Variants in PVT1 observed in about 807,000 individuals in gnomAD.
PVT1 encodes Pvt1 oncogene.
At chr8:127,826,570 A>T (rs1354277649) in intron 2 of PVT1, among the ~76,000 whole-genome samples, 1 of 152,172 alleles carries the variant, frequency 6.6e-6, no homozygotes, top group African/African-American at 2.4e-5. Context: ...TTGGAATTTC[A>T]TAACTGTTTC....
At chr8:127,930,153 G>A (rs1043468742) in intron 3 of PVT1, among the ~76,000 whole-genome samples, 1 of 151,950 alleles carries the variant, frequency 6.6e-6, no homozygotes, top group African/African-American at 2.4e-5. Flanking sequence ...GGGGCGGTGC[G>A]GAATTATTAT....
At chr8:127,825,078 C>T (rs1475526744) in intron 2 of PVT1, among the ~76,000 whole-genome samples, 2 of 137,308 alleles carry the variant, frequency 1.5e-5, no homozygotes, top group South Asian at 2.2e-4. Flanking sequence ...CGAGATCATG[C>T]ACTGCACTTC....
In PVT1 at chr8:128,041,100, G is replaced by A. The variant is rs181838709; in HGVS notation, n.913-29060G>A. 2.0e-5 allele frequency among the ~76,000 whole-genome samples: 3 copies of A among 151,764 alleles called. No homozygotes were observed. The East Asian group carries it at 5.8e-4, about 29-fold the overall frequency. Reference sequence around the variant, plus strand: ...TTTGTGCATATGTTTGTGTGTGCTTGTGTGTGATTGTGTGTATATGTTTGT... The same window carrying A: ...TTTGTGCATATGTTTGTGTGTGCTTATGTGTGATTGTGTGTATATGTTTGT... On this transcript the variant is annotated intron_variant and non_coding_transcript_variant, in intron 4 of 10. Coordinates refer to ENST00000651587, the Ensembl canonical transcript of PVT1.
chr8:127,822,095 T>C (rs1814736905), intron 2 of PVT1, among the ~76,000 whole-genome samples: 1 of 152,214 alleles, frequency 6.6e-6, no homozygotes, highest in South Asian at 2.1e-4. Context: ...GCATGCTTCA[T>C]AGAGCTGTTG....
Position 127,831,078 on chromosome 8 carries a change from A to G in PVT1, n.372+35007A>G, listed in dbSNP as rs552356637. ...TGTGTGTGTGTGTATATATATATAG[A>G]TAAAACTCCTCTTTATATACATACG... On this transcript the variant is annotated intron_variant and non_coding_transcript_variant, in intron 2 of 10. Coordinates refer to ENST00000651587, the Ensembl canonical transcript of PVT1. 6.5e-4 allele frequency among the ~76,000 whole-genome samples: 97 copies of G among 148,442 alleles called. 1 individual carries two copies. The highest frequency in any genetic ancestry group is 1.2e-3 in the Non-Finnish European group (78 of 66,794).
At chr8:127,899,074 C>G (rs140619866) in intron 3 of PVT1, among the ~76,000 whole-genome samples, 1 of 152,224 alleles carries the variant, frequency 6.6e-6, no homozygotes, top group African/African-American at 2.4e-5. Context: ...GCCCCCAGCT[C>G]TCAGCTTTCT....
At chr8:128,005,489 A>G (rs1267495018) in intron 4 of PVT1, among the ~76,000 whole-genome samples, 4 of 152,138 alleles carry the variant, frequency 2.6e-5, no homozygotes, top group African/African-American at 9.7e-5. Context: ...CATCCAACAG[A>G]TATGCCCTAG....
chr8:127,866,229 G>A (rs773153047), intron 2 of PVT1, among the ~76,000 whole-genome samples: 11 of 152,106 alleles, frequency 7.2e-5, no homozygotes, highest in Non-Finnish European at 1.5e-5. Context: ...CCCTGCTCTG[G>A]GCCCAGCACC....
chr8:127,886,652 G>T lies in PVT1; in HGVS notation n.373-3937G>T, dbSNP rs549715921. Among the ~76,000 whole-genome samples the T allele has an allele frequency of 5.3e-4, 80 of 151,884 alleles. 1 individual carries two copies. Among genetic ancestry groups the T allele is most frequent in the African/African-American group, 1.9e-3 (78 of 41,426 alleles). On this transcript the variant is annotated intron_variant and non_coding_transcript_variant, in intron 2 of 10. Coordinates refer to ENST00000651587, the Ensembl canonical transcript of PVT1. ...TTTTTAATTGTAGAATTTCCATTTG[G>T]CTCTTTCTTTGCTAAGCTTTCTTAT...
intron 3 of PVT1, among the ~76,000 whole-genome samples, chr8:127,975,584 C>G (rs199813344): frequency 6.6e-6 from 1 of 152,200 alleles, no homozygotes; most frequent in Non-Finnish European, 1.5e-5. Flanking sequence ...TTCAGCTTAG[C>G]ACACTGGCCC....
intron 5 of PVT1, among the ~76,000 whole-genome samples, chr8:128,090,965 T>C (rs1814343147): frequency 6.6e-6 from 1 of 152,156 alleles, no homozygotes; most frequent in South Asian, 2.1e-4. Context: ...TTTAAATAGC[T>C]TGATGATCCC....
chr8:127,992,806 G>A (rs1439658701), intron 4 of PVT1, among the ~76,000 whole-genome samples: 1 of 152,104 alleles, frequency 6.6e-6, no homozygotes. Flanking sequence ...CCTTCCCCTG[G>A]TGTCATCTGC....
chr8:128,050,501 ACTT>A (rs1183771052), intron 4 of PVT1, among the ~76,000 whole-genome samples: 1 of 152,162 alleles, frequency 6.6e-6, no homozygotes, highest in African/African-American at 2.4e-5. Flanking sequence ...AACAGGTCTC[ACTT>A]CTTGTCTTTT....
intron 2 of PVT1, among the ~76,000 whole-genome samples, chr8:127,858,892 T>G (rs1815190780): frequency 1.4e-5 from 2 of 144,060 alleles, no homozygotes; most frequent in South Asian, 4.6e-4. Flanking sequence ...ATTGTAACCT[T>G]GAGCTTCTGG....
chr8:128,011,821 A>C (rs1160819958), intron 4 of PVT1, among the ~76,000 whole-genome samples: 1 of 152,210 alleles, frequency 6.6e-6, no homozygotes, highest in African/African-American at 2.4e-5. Flanking sequence ...AGGTAGAAAC[A>C]GTAGGCAAAC....
Position 127,984,850 on chromosome 8 carries a change from TTTCTTTC to T in PVT1, n.783-4309_783-4303del, listed in dbSNP as rs1563657361. 2.4e-4 allele frequency among the ~76,000 whole-genome samples: 5 copies of T among 20,412 alleles called. 1 individual carries two copies. Among genetic ancestry groups the T allele is most frequent in the Admixed American group, 8.3e-4 (1 of 1,202 alleles). 13.4% of individuals were successfully genotyped at this position (20,412 alleles called of 152,430 possible). On this transcript the variant is annotated intron_variant and non_coding_transcript_variant, in intron 3 of 10. Coordinates refer to ENST00000651587, the Ensembl canonical transcript of PVT1. ...TTCTTTCTTTTCTTTTCTTTCTTTC[TTTCTTTC>T]TTTCTTTCTTTCTTTCTTTCTTTCT... is the stretch of plus-strand genomic sequence containing the variant.
At chr8:128,043,601 C>T (rs1301808815) in intron 4 of PVT1, among the ~76,000 whole-genome samples, 1 of 152,164 alleles carries the variant, frequency 6.6e-6, no homozygotes, top group Admixed American at 6.5e-5. Context: ...CACCTGCTGT[C>T]TCTGGCTCTG....
intron 2 of PVT1, among the ~76,000 whole-genome samples, chr8:127,808,067 T>C (rs893603399): frequency 2.0e-5 from 3 of 150,286 alleles, no homozygotes; most frequent in Non-Finnish European, 3.0e-5. Context: ...CGGGCCCGGC[T>C]GAGACAGTCT....
intron 2 of PVT1, among the ~76,000 whole-genome samples, chr8:127,831,573 G>A (rs1814851209): frequency 1.3e-5 from 2 of 152,170 alleles, no homozygotes; most frequent in Non-Finnish European, 2.9e-5. Flanking sequence ...AGTATAGATA[G>A]AAAAGTGGAC....
Sources: allele counts gnomAD v4.1 joint callset (sites outside exome capture counted in the v4.1 genomes callset), GRCh38; gene constraint gnomAD v4.1.1; transcripts MANE v1.5; gene names NCBI Gene and HGNC (gene_info 2026-07-23, HGNC 2026-07-21).